Variants in STK10 observed in about 807,000 individuals in gnomAD.
The protein encoded by STK10 is serine/threonine-protein kinase 10.
A neutral mutation model predicts 113.8 loss-of-function variants in STK10; 78 were observed. The observed-to-expected ratio is 0.69, with a 90% confidence interval of 0.57 to 0.83. The LOEUF is 0.83. Among genes scored for constraint, STK10 ranks in the 40% least tolerant of loss-of-function variants. The pLI, the probability that STK10 is intolerant of heterozygous loss-of-function variation, is 0.00. For synonymous variants in STK10, 465 were observed against 494.7 expected (o/e 0.94, Z 0.80); for missense variants, 1,109 against 1,280.1 (o/e 0.87, Z 2.04).
chr5:172,178,589 C>T (rs971047569), intron 1 of STK10, among the ~76,000 whole-genome samples: 3 of 152,178 alleles, frequency 2.0e-5, no homozygotes, highest in African/African-American at 7.2e-5. Context: ...CACAATAGCT[C>T]CCGCAGGTGT....
intron 3 of STK10, among the ~76,000 whole-genome samples, chr5:172,126,958 C>T (rs552439424): frequency 6.6e-5 from 10 of 152,204 alleles, no homozygotes; most frequent in South Asian, 6.2e-4. Flanking sequence ...GGTCTTCCAG[C>T]GAATGTCCTG....
chr5:172,087,467 GT>G (rs1421642145), intron 10 of STK10, among the ~76,000 whole-genome samples: 1 of 151,640 alleles, frequency 6.6e-6, no homozygotes, highest in Non-Finnish European at 1.5e-5. Flanking sequence ...TAGAGACCAG[GT>G]TTTGCCATGT....
At chr5:172,183,584 A>G (rs1770899885) in intron 1 of STK10, among the ~76,000 whole-genome samples, 1 of 150,828 alleles carries the variant, frequency 6.6e-6, no homozygotes, top group Admixed American at 6.6e-5. Context: ...AGTAGCTGGG[A>G]TTACAGGCTT....
rs772646879 is a variant in STK10, at chr5:172,187,914, G to A, written c.129C>T (p.Gly43=). ...TGTAAACCTTGCCGAAGGCGCCGTC[G>A]CCCAGCTCGCCCACGATCTCCCACA... is the stretch of plus-strand genomic sequence containing the variant. The part of the protein sequence containing the change: ...NEVWEIVGEL[G]DGAFGKVYKA... The change falls in exon 1 of 19, where the codon GGC becomes GGT. Residue 43 remains glycine (G), a synonymous_variant. Transcript: ENST00000176763. The surrounding 1 kb of genome is among the most constrained non-coding windows in gnomAD (Gnocchi z 4.6). 54 of 1,613,046 alleles carry A rather than the reference G, an allele frequency of 3.3e-5. No individual in the cohort carries two copies. The highest frequency in any genetic ancestry group is 4.5e-5 in the Non-Finnish European group (53 of 1,179,728).
rs56355550 is a variant in STK10 at position 172,044,949 on chromosome 5, C to T, written c.2840G>A (p.Cys947Tyr). 5.3e-4 allele frequency: 860 copies of T among 1,614,192 alleles called. 1 individual carries two copies. Among genetic ancestry groups the T allele is most frequent in the Middle Eastern group, 2.6e-3 (16 of 6,062 alleles). ...CTTGCTTGGGGTGGAGGGGTTTGGG[C>T]ACTCCGCCTCCTCGCTCAGCTTGAA... Reference protein sequence around the residue: ...MFFKLSEEAECPNPSTPSKAA... With the variant: ...MFFKLSEEAEYPNPSTPSKAA... Residue 947 changes from cysteine (C) to tyrosine (Y), a missense_variant, in exon 19 of 19, where the codon TGC becomes TAC. By Grantham distance (194) the Cys-to-Tyr change is radical (BLOSUM62 -2). Around this residue, in one of 5 missense-constraint regions of STK10, gnomAD observed 885 missense variants for 991.1 expected, o/e 0.89. Transcript: ENST00000176763. The surrounding 1 kb of genome is among the most constrained non-coding windows in gnomAD (Gnocchi z 4.5).
chr5:172,125,034 T>G (rs1032229859), intron 3 of STK10, among the ~76,000 whole-genome samples: 1 of 152,240 alleles, frequency 6.6e-6, no homozygotes, highest in Non-Finnish European at 1.5e-5. Context: ...GTTGCAAATT[T>G]GACTCCCTGA....
intron 4 of STK10, among the ~76,000 whole-genome samples, chr5:172,114,015 C>T (rs6555996): frequency 0.19 from 29,200 of 152,036 alleles, 3,600 homozygotes; most frequent in African/African-American, 0.35. Flanking sequence ...TATTCCTACA[C>T]ACATCGTTTA....
At chr5:172,134,374 T>A (rs556968457) in intron 2 of STK10, among the ~76,000 whole-genome samples, 18 of 152,310 alleles carry the variant, frequency 1.2e-4, no homozygotes, top group African/African-American at 4.3e-4. Context: ...GCTTTGGGGA[T>A]CTTCATTATT....
At chr5:172,126,721 T>C (rs1024708479) in intron 3 of STK10, among the ~76,000 whole-genome samples, 1 of 152,234 alleles carries the variant, frequency 6.6e-6, no homozygotes, top group Admixed American at 6.5e-5. Context: ...TCGTCATTAT[T>C]GCTCAAGCTT....
At chr5:172,134,012 A>G (rs550644413) in intron 2 of STK10, among the ~76,000 whole-genome samples, 7 of 152,334 alleles carry the variant, frequency 4.6e-5, no homozygotes, top group East Asian at 1.9e-4. Flanking sequence ...AGCAAGGTCC[A>G]AGAATCTGGT....
At chr5:172,184,585 G>T (rs1019447160) in intron 1 of STK10, among the ~76,000 whole-genome samples, 2 of 152,088 alleles carry the variant, frequency 1.3e-5, no homozygotes, top group African/African-American at 2.4e-5. Flanking sequence ...TGGTGGATTC[G>T]GAGGTAGGCG....
intron 1 of STK10, among the ~76,000 whole-genome samples, chr5:172,179,442 C>T (rs2113841790): frequency 6.6e-6 from 1 of 152,324 alleles, no homozygotes; most frequent in Non-Finnish European, 1.5e-5. Flanking sequence ...GAGAGTCCCC[C>T]TAATCTAGGT....
chr5:172,113,436 C>T (rs368894752), intron 4 of STK10, among the ~76,000 whole-genome samples: 2 of 152,336 alleles, frequency 1.3e-5, no homozygotes, highest in South Asian at 4.1e-4. Context: ...GTATCCAATT[C>T]AGGGCTTTCC....
intron 2 of STK10, among the ~76,000 whole-genome samples, chr5:172,151,279 C>T (rs1770226221): frequency 1.3e-5 from 2 of 152,108 alleles, no homozygotes; most frequent in South Asian, 2.1e-4. Context: ...AAGTGGCAGG[C>T]AGGAGACGGA....
chr5:172,101,944 G>C (rs1298216634), intron 7 of STK10, among the ~76,000 whole-genome samples: 4 of 151,474 alleles, frequency 2.6e-5, no homozygotes, highest in Non-Finnish European at 2.9e-5. Flanking sequence ...GTGGGAGCGA[G>C]AGGGGCGATG....
rs1769944555 is a variant in STK10, at chr5:172,140,161, A to C, written c.322-12740T>G. On this transcript the variant is annotated intron_variant, in intron 2 of 18. Transcript: ENST00000176763. Reference sequence around the variant, plus strand: ...GGACACCTCTTCAAAGACGACATACAAATGTCCAACAGGTAAATAAAAAGA... The same window carrying C: ...GGACACCTCTTCAAAGACGACATACCAATGTCCAACAGGTAAATAAAAAGA... Among the ~76,000 whole-genome samples the C allele has an allele frequency of 2.0e-5, 3 of 152,364 alleles. No homozygotes were observed. In the South Asian group the frequency reaches 6.2e-4, roughly 32 times the overall value.
intron 8 of STK10, among the ~76,000 whole-genome samples, chr5:172,095,185 A>C (rs1482021970): frequency 2.6e-5 from 4 of 152,216 alleles, no homozygotes; most frequent in African/African-American, 9.6e-5. Flanking sequence ...CTTGCCAGCC[A>C]CCGGTTTTTA....
At chr5:172,138,061 T>C (rs1306054522) in intron 2 of STK10, among the ~76,000 whole-genome samples, 4 of 152,128 alleles carry the variant, frequency 2.6e-5, no homozygotes, top group Non-Finnish European at 5.9e-5. Context: ...TCCTAGCCAG[T>C]GCACTTAGGC....
At chr5:172,097,631 A>G (rs1431225026) in intron 7 of STK10, among the ~76,000 whole-genome samples, 1 of 152,162 alleles carries the variant, frequency 6.6e-6, no homozygotes, top group Non-Finnish European at 1.5e-5. Flanking sequence ...CTGTATGACT[A>G]CGGCACAGTT....
Sources: allele counts gnomAD v4.1 joint callset (sites outside exome capture counted in the v4.1 genomes callset), GRCh38; gene constraint gnomAD v4.1.1; regional missense constraint gnomAD v4.1.1; non-coding constraint Gnocchi (gnomAD v3.1); transcripts MANE v1.5; gene names NCBI Gene and HGNC (gene_info 2026-07-23, HGNC 2026-07-21).